PTPRD: variants seen among roughly 807,000 people sequenced by gnomAD.
PTPRD encodes protein tyrosine phosphatase receptor type D, also known as receptor-type tyrosine-protein phosphatase delta.
Under a neutral mutation model 214.5 loss-of-function variants are expected in PTPRD, and 34 were observed. That is an observed-to-expected ratio of 0.16 (90% CI 0.12 to 0.21). The LOEUF is 0.21. Ranked by LOEUF, PTPRD falls within the 10% of genes least tolerant of loss-of-function variation. The pLI, the probability that PTPRD is intolerant of heterozygous loss-of-function variation, is 1.00. For missense variants in PTPRD, 2,545 were observed against 2,398.7 expected, an observed-to-expected ratio of 1.06 and a Z score of -1.27; for synonymous variants, 1,128 against 845.7, an observed-to-expected ratio of 1.33 and a Z score of -5.79.
At chr9:10,444,314 T>C (rs1195026242) in intron 2 of PTPRD, among the ~76,000 whole-genome samples, 2 of 151,838 alleles carry the variant, frequency 1.3e-5, no homozygotes, top group Non-Finnish European at 3.0e-5. Context: ...TAATAAAAGA[T>C]ATTTAATGAC....
intron 10 of PTPRD, among the ~76,000 whole-genome samples, chr9:9,044,197 A>G (rs1331147637): frequency 1.3e-5 from 2 of 152,204 alleles, no homozygotes; most frequent in Admixed American, 6.5e-5. Context: ...TTAGACTTGC[A>G]TTGCTAAGGA....
At chr9:9,495,063 G>A (rs1291733670) in intron 8 of PTPRD, among the ~76,000 whole-genome samples, 2 of 152,014 alleles carry the variant, frequency 1.3e-5, no homozygotes, top group Non-Finnish European at 2.9e-5. Context: ...TTCAATGGGG[G>A]AAACTATAGT....
intron 8 of PTPRD, among the ~76,000 whole-genome samples, chr9:9,408,713 C>G (rs78853073): frequency 6.6e-6 from 1 of 151,778 alleles, no homozygotes; most frequent in Non-Finnish European, 1.5e-5. Context: ...CTGCCATTTA[C>G]TAGTTTTAGA....
At chr9:10,171,201 T>G (rs551159646) in intron 3 of PTPRD, among the ~76,000 whole-genome samples, 1 of 152,180 alleles carries the variant, frequency 6.6e-6, no homozygotes, top group African/African-American at 2.4e-5. Flanking sequence ...ATTTTACCCA[T>G]TGATATGGTT....
chr9:8,619,699 A>G (rs1232957144), intron 14 of PTPRD, among the ~76,000 whole-genome samples: 1 of 151,804 alleles, frequency 6.6e-6, no homozygotes, highest in African/African-American at 2.4e-5. Flanking sequence ...CTCAAGGACG[A>G]TGACTAAATA....
At chr9:9,690,628 C>A (rs1285440903) in intron 7 of PTPRD, among the ~76,000 whole-genome samples, 1 of 151,820 alleles carries the variant, frequency 6.6e-6, no homozygotes, top group African/African-American at 2.4e-5. Context: ...AAGCCTTATT[C>A]CATTTTGATT....
intron 8 of PTPRD, among the ~76,000 whole-genome samples, chr9:9,436,889 C>CAAAA (rs34882181): frequency 6.9e-6 from 1 of 143,988 alleles, no homozygotes. Context: ...GTTACTAAGG[C>CAAAA]AAAAAAAAAA....
chr9:8,803,960 C>G (rs2096622137), intron 11 of PTPRD, among the ~76,000 whole-genome samples: 1 of 151,704 alleles, frequency 6.6e-6, no homozygotes. Context: ...CTTCTTCCCT[C>G]CACCCCCCCA....
chr9:10,040,692 C>T (rs902846054), intron 3 of PTPRD, among the ~76,000 whole-genome samples: 1 of 151,876 alleles, frequency 6.6e-6, no homozygotes, highest in Non-Finnish European at 1.5e-5. Context: ...ATTTTCTTCC[C>T]TAGCAAGAAA....
intron 6 of PTPRD, among the ~76,000 whole-genome samples, chr9:9,761,043 G>C (rs1304953889): frequency 1.3e-5 from 2 of 152,118 alleles, no homozygotes; most frequent in Non-Finnish European, 2.9e-5. Flanking sequence ...AGCAACTGTA[G>C]TCTTGGGCAT....
intron 9 of PTPRD, among the ~76,000 whole-genome samples, chr9:9,269,988 TTAA>T (rs1176617696): frequency 3.3e-5 from 5 of 150,164 alleles, no homozygotes; most frequent in Non-Finnish European, 7.4e-5. Context: ...ATTAATAAAA[TTAA>T]TAATTTATTT....
intron 9 of PTPRD, among the ~76,000 whole-genome samples, chr9:9,347,709 T>C (rs1447073413): frequency 2.0e-5 from 3 of 152,186 alleles, no homozygotes; most frequent in African/African-American, 7.2e-5. Flanking sequence ...ATGGTACATC[T>C]ACATTCCACT....
chr9:9,413,801 T>G (rs2142045950), intron 8 of PTPRD, among the ~76,000 whole-genome samples: 1 of 152,292 alleles, frequency 6.6e-6, no homozygotes, highest in Non-Finnish European at 1.5e-5. Flanking sequence ...AGATAACATT[T>G]TTAAAGTAGT....
At chr9:9,544,656 T>C (rs1404355529) in intron 8 of PTPRD, among the ~76,000 whole-genome samples, 1 of 151,732 alleles carries the variant, frequency 6.6e-6, no homozygotes, top group East Asian at 1.9e-4. Context: ...TTTGCTTTCA[T>C]ACAAATTAAA....
At chr9:9,655,777 A>C (rs981258399) in intron 7 of PTPRD, among the ~76,000 whole-genome samples, 2 of 151,954 alleles carry the variant, frequency 1.3e-5, no homozygotes, top group Admixed American at 6.6e-5. Context: ...CAGGAGTTTG[A>C]GACCAACCTG....
chr9:10,597,625 T>A (rs2076918900), intron 2 of PTPRD, among the ~76,000 whole-genome samples: 1 of 151,804 alleles, frequency 6.6e-6, no homozygotes, highest in Admixed American at 6.6e-5. Context: ...CATTCTGCAC[T>A]TCAACAGCAG....
intron 5 of PTPRD, among the ~76,000 whole-genome samples, chr9:9,902,078 C>G (rs917949648): frequency 5.3e-5 from 8 of 152,152 alleles, no homozygotes; most frequent in African/African-American, 1.9e-4. Context: ...TTGGCTGCTT[C>G]TACTCTTACC....
At position 9,553,304 on chromosome 9, in the gene PTPRD, TA is replaced by T. The variant is rs552378614; in HGVS notation, c.-237+21427del. 3.2e-4 allele frequency among the ~76,000 whole-genome samples: 48 copies of T among 152,178 alleles called. 1 individual carries two copies. The South Asian group carries it at 9.3e-3, about 30-fold the overall frequency. ...ATTTATTGAATGAATGAATTCAGTTTATTTTTTTCTAATTTCTTATTAATAA... is the reference window on the plus strand; with the variant it reads ...ATTTATTGAATGAATGAATTCAGTTTTTTTTTTCTAATTTCTTATTAATAA... On this transcript the variant is annotated intron_variant, in intron 8 of 45. Transcript: ENST00000381196.
At chr9:8,757,631 T>TATATATATACATACATATATAC (rs1565835214) in intron 11 of PTPRD, among the ~76,000 whole-genome samples, 28 of 146,526 alleles carry the variant, frequency 1.9e-4, no homozygotes, top group African/African-American at 3.5e-4. Context: ...CATATATATA[T>TATATATATACATACATATATAC]ATATATATAT....
Sources: allele counts gnomAD v4.1 joint callset (sites outside exome capture counted in the v4.1 genomes callset), GRCh38; gene constraint gnomAD v4.1.1; transcripts MANE v1.5; gene names NCBI Gene and HGNC (gene_info 2026-07-23, HGNC 2026-07-21).